The following PLA2G4C variants were observed in gnomAD, a reference collection of about 807,000 sequenced individuals.
PLA2G4C encodes the protein cytosolic phospholipase A2 gamma.
Under a neutral mutation model 73.8 loss-of-function variants are expected in PLA2G4C, and 64 were observed. The observed-to-expected ratio is 0.87, with a 90% confidence interval of 0.71 to 1.07. The LOEUF is 1.07. Ranked by LOEUF, PLA2G4C falls within the 50% of genes least tolerant of loss-of-function variation. The probability of loss-of-function intolerance (pLI) is 0.00; values close to 1 mark genes in which losing one functional copy is unlikely to be tolerated. For synonymous variants in PLA2G4C, 254 were observed against 252.1 expected (o/e 1.01, Z -0.07); for missense variants, 622 against 665.4 (o/e 0.93, Z 0.72).
At chr19:48,076,614 T>G (rs111404669) in intron 11 of PLA2G4C, among the ~76,000 whole-genome samples, 3,118 of 152,020 alleles carry the variant, frequency 0.021, 109 homozygotes, top group African/African-American at 0.07. Context: ...GTGGTGGCAG[T>G]TGCCTGTAAT....
At position 48,062,072 on chromosome 19, in the gene PLA2G4C, G is replaced by A; in HGVS notation, c.1183C>T (p.Pro395Ser). ...DAGLAINTPF[P>S]LVLPPTREVH... ...TCCCGCGTCGGGGGCAGCACGAGTG[G>A]GAAGGGAGTGTTGATGGCTAAACCA... is the stretch of plus-strand genomic sequence containing the variant. Residue 395 changes from proline (P) to serine (S), a missense_variant, in exon 14 of 17, where the codon CCA (proline) becomes TCA (serine). Coordinates refer to ENST00000599921, the MANE Select transcript of PLA2G4C (RefSeq NM_003706.3). 1 of 1,613,676 alleles carries A rather than the reference G, an allele frequency of 6.2e-7. No individual in the cohort carries two copies.
At chr19:48,092,727 T>C (rs2031376210) in intron 7 of PLA2G4C, among the ~76,000 whole-genome samples, 1 of 152,052 alleles carries the variant, frequency 6.6e-6, no homozygotes, top group Non-Finnish European at 1.5e-5. Flanking sequence ...AGGCAGAAGG[T>C]AGCATTGTGG....
intron 14 of PLA2G4C, among the ~76,000 whole-genome samples, chr19:48,059,287 T>A (rs538121752): frequency 4.4e-5 from 5 of 112,622 alleles, no homozygotes; most frequent in Non-Finnish European, 7.6e-5. Context: ...AAAAAAAAAA[T>A]TCTGTTTATT....
rs369921392 is a variant in PLA2G4C at position 48,090,315 on chromosome 19, T to C, written c.763+49A>G. 5.5e-6 allele frequency: 7 copies of C among 1,282,746 alleles called. No homozygotes were observed. The African/African-American group carries it at 1.0e-4, about 19-fold the overall frequency. The allele number at this position is 1,282,746 out of a possible 1,614,324, so 79.5% of individuals were successfully genotyped here. On this transcript the variant is annotated intron_variant, in intron 8 of 16. Transcript: ENST00000599921. ...GTAGGAAAAGTACTGTGAATCTCCT[T>C]GCATAAAATATCTCTAGGGTTTGAC...
Position 48,110,549 on chromosome 19 carries a change from G to GGAGGCTTGGGCTCCGGAATCCGGTGCT in PLA2G4C, c.-96_-95insAGCACCGGATTCCGGAGCCCAAGCCTC. 1 of 1,525,350 alleles carries GGAGGCTTGGGCTCCGGAATCCGGTGCT rather than the reference G, an allele frequency of 6.6e-7. No individual in the cohort carries two copies. The highest frequency in any genetic ancestry group is 8.8e-7 in the Non-Finnish European group (1 of 1,139,366). The allele number at this position is 1,525,350 out of a possible 1,614,324, so 94.5% of individuals were successfully genotyped here. The stretch of plus-strand genomic sequence containing the variant: ...GAGCTTGTGCTCCGGAATCCGGTGC[G>GGAGGCTTGGGCTCCGGAATCCGGTGCT]GAGGCTTGGGCTCCCTGCGCTTAGC... On this transcript the variant is annotated 5_prime_UTR_variant, in exon 1 of 17. Coordinates refer to ENST00000599921, the MANE Select transcript of PLA2G4C (RefSeq NM_003706.3).
rs945523970 is a variant in PLA2G4C, at chr19:48,058,248, G to A, written c.1258-3199C>T. 5.3e-5 allele frequency among the ~76,000 whole-genome samples: 8 copies of A among 151,546 alleles called. No homozygotes were observed. The South Asian group carries it at 6.2e-4, about 12-fold the overall frequency. ...TGGAAGGTGGAGGTTGTGGCAAGCCGATATCGTGCCATTGCACTCCAGCCC... is the reference window on the plus strand; with the variant it reads ...TGGAAGGTGGAGGTTGTGGCAAGCCAATATCGTGCCATTGCACTCCAGCCC... On this transcript the variant is annotated intron_variant, in intron 14 of 16. Coordinates refer to ENST00000599921, the MANE Select transcript of PLA2G4C (RefSeq NM_003706.3).
intron 15 of PLA2G4C, among the ~76,000 whole-genome samples, chr19:48,053,815 A>G (rs1967823362): frequency 6.6e-6 from 1 of 152,176 alleles, no homozygotes; most frequent in African/African-American, 2.4e-5. Flanking sequence ...ATCGCAGGAG[A>G]CACGATTGAC....
chr19:48,098,626 C>T (rs1163535444), intron 5 of PLA2G4C, among the ~76,000 whole-genome samples: 2 of 146,282 alleles, frequency 1.4e-5, no homozygotes, highest in Admixed American at 7.0e-5. Context: ...TACCCATAAT[C>T]CCAGCACTTT....
intron 12 of PLA2G4C, among the ~76,000 whole-genome samples, chr19:48,071,846 C>T (rs1968671564): frequency 6.6e-6 from 1 of 151,988 alleles, no homozygotes; most frequent in African/African-American, 2.4e-5. Flanking sequence ...TCAAGTATAT[C>T]TTATAGTAAG....
At chr19:48,061,417 T>C (rs1306986485) in intron 14 of PLA2G4C, 1 of 153,482 alleles carries the variant, frequency 6.5e-6, no homozygotes, top group Non-Finnish European at 1.5e-5. Context: ...TTAGCCCAAT[T>C]TTACAGCTGA....
At chr19:48,065,580 A>G (rs989875663) in intron 13 of PLA2G4C, among the ~76,000 whole-genome samples, 4 of 151,892 alleles carry the variant, frequency 2.6e-5, no homozygotes, top group African/African-American at 9.7e-5. Flanking sequence ...ACAGAGCGAG[A>G]CTCCATCGCA....
At chr19:48,089,988 G>A (rs2031203616) in intron 8 of PLA2G4C, among the ~76,000 whole-genome samples, 1 of 152,212 alleles carries the variant, frequency 6.6e-6, no homozygotes, top group Non-Finnish European at 1.5e-5. Context: ...GATTGCTAAT[G>A]TTTACTGAGT....
At position 48,072,440 on chromosome 19, in the gene PLA2G4C, C is replaced by T. The variant is rs1393575413; in HGVS notation, c.1006+2327G>A. On this transcript the variant is annotated intron_variant, in intron 12 of 16. Coordinates refer to ENST00000599921, the MANE Select transcript of PLA2G4C (RefSeq NM_003706.3). The surrounding 1 kb of genome is among the most constrained non-coding windows in gnomAD (Gnocchi z 4.4). Reference sequence around the variant, plus strand: ...TGGCACATTCCATCTCTCTCCATTACCCACCGGAGGGGTAAACCCAAGCCT... The same window carrying T: ...TGGCACATTCCATCTCTCTCCATTATCCACCGGAGGGGTAAACCCAAGCCT... 1.3e-5 allele frequency: 2 copies of T among 152,136 alleles called. No homozygotes were observed. Among genetic ancestry groups the T allele is most frequent in the Non-Finnish European group, 2.9e-5 (2 of 68,032 alleles). 9.4% of individuals were successfully genotyped at this position (152,136 alleles called of 1,614,324 possible). A position where few individuals can be genotyped will look rare whatever the true frequency, so the allele number is the denominator to read the frequency against.
chr19:48,070,078 A>G (rs1439927480), intron 12 of PLA2G4C, among the ~76,000 whole-genome samples: 1 of 152,174 alleles, frequency 6.6e-6, no homozygotes, highest in East Asian at 1.9e-4. Context: ...CCCCTGAGCA[A>G]GTTACTTAAC....
At chr19:48,092,265 T>G (rs747334530) in intron 7 of PLA2G4C, among the ~76,000 whole-genome samples, 59 of 152,124 alleles carry the variant, frequency 3.9e-4, no homozygotes, top group Admixed American at 1.1e-3. Context: ...GTCAGGCTGG[T>G]CTCCAACTCC....
Position 48,072,054 on chromosome 19 carries a change from G to A in PLA2G4C, c.1006+2713C>T, listed in dbSNP as rs1025347232. Among the ~76,000 whole-genome samples, 1 of 151,944 alleles carries A rather than the reference G, an allele frequency of 6.6e-6. No homozygotes were observed. Among genetic ancestry groups the A allele is most frequent in the East Asian group, 2.0e-4 (1 of 5,106 alleles). ...CCAGCTACTCGGGAGGCTGAGGCAG[G>A]AGAATCGCTTGAACCCGGGAGGCAG... On this transcript the variant is annotated intron_variant, in intron 12 of 16. Transcript: ENST00000599921. The surrounding 1 kb of genome is among the most constrained non-coding windows in gnomAD (Gnocchi z 4.4).
At chr19:48,080,190 G>C (rs992296150) in intron 10 of PLA2G4C, among the ~76,000 whole-genome samples, 2 of 151,874 alleles carry the variant, frequency 1.3e-5, no homozygotes, top group Non-Finnish European at 1.5e-5. Context: ...TTTCTCAAAA[G>C]AAGATATTCC....
chr19:48,050,267 C>T (rs1967675002), intron 16 of PLA2G4C, among the ~76,000 whole-genome samples: 1 of 152,110 alleles, frequency 6.6e-6, no homozygotes, highest in Non-Finnish European at 1.5e-5. Flanking sequence ...TATACAACCC[C>T]TCATTAGAAG....
At chr19:48,086,855 T>C (rs115724742) in intron 9 of PLA2G4C, among the ~76,000 whole-genome samples, 134 of 152,292 alleles carry the variant, frequency 8.8e-4, no homozygotes, top group African/African-American at 2.9e-3. Context: ...ATAACTAGCA[T>C]TCAAGGAAGC....
Sources: gnomAD v4.1 joint callset for allele counts (sites outside exome capture counted in the v4.1 genomes callset) on GRCh38, gnomAD v4.1.1 for gene constraint, Gnocchi (gnomAD v3.1) non-coding constraint, MANE v1.5 for transcripts, NCBI Gene and HGNC (gene_info 2026-07-23, HGNC 2026-07-21) for gene names.